The following FAM162A variants were observed in gnomAD, a reference collection of about 807,000 sequenced individuals.
The protein encoded by FAM162A is protein FAM162A.
Under a neutral mutation model 21.8 loss-of-function variants are expected in FAM162A, and 23 were observed. The observed-to-expected ratio is 1.05, with a 90% CI of 0.76 to 1.49. The LOEUF is 1.49. FAM162A is among the 40% of genes most tolerant of loss of function. The probability of loss-of-function intolerance (pLI) is 0.00; values close to 1 mark genes in which losing one functional copy is unlikely to be tolerated. For missense variants in FAM162A, 165 were observed against 186.4 expected (o/e 0.89, Z 0.67); for synonymous variants, 53 against 61.3 (o/e 0.86, Z 0.64).
chr3:122,395,252 A>G (rs2075622034), intron 1 of FAM162A, among the ~76,000 whole-genome samples: 1 of 152,172 alleles, frequency 6.6e-6, no homozygotes, highest in Non-Finnish European at 1.5e-5. Flanking sequence ...CACTGTACTT[A>G]CTGGAGGTTC....
chr3:122,407,238 G>A (rs1314689619), intron 3 of FAM162A, 43 bp from the exon 4 acceptor site: 1 of 1,548,612 alleles, frequency 6.5e-7, no homozygotes, highest in African/African-American at 1.4e-5. Flanking sequence ...TTCAGAAAGG[G>A]AAAAGTTAAT....
chr3:122,390,753 G>T (rs1056345817), intron 1 of FAM162A, among the ~76,000 whole-genome samples: 1 of 152,202 alleles, frequency 6.6e-6, no homozygotes, highest in Admixed American at 6.5e-5. Flanking sequence ...GACTGTATCA[G>T]TTGGGTCCAG....
Position 122,409,883 on chromosome 3 carries a change from C to G in FAM162A, c.*52C>G. ...TGAAAATCCAGGAATTATGTTATAACGTGCCTGTATTAAAAAGGATGTGGT... is the reference window on the plus strand; with the variant it reads ...TGAAAATCCAGGAATTATGTTATAAGGTGCCTGTATTAAAAAGGATGTGGT... On this transcript the variant is annotated 3_prime_UTR_variant, in exon 5 of 5. Coordinates refer to ENST00000477892, the MANE Select transcript of FAM162A (RefSeq NM_014367.4). The G allele has an allele frequency of 2.0e-6, 3 of 1,485,590 alleles. No individual in the cohort carries two copies. Among genetic ancestry groups the G allele is most frequent in the Non-Finnish European group, 1.9e-6 (2 of 1,064,008 alleles). 92.0% of individuals were successfully genotyped at this position (1,485,590 alleles called of 1,614,324 possible).
chr3:122,406,707 A>G (rs1380792897), intron 3 of FAM162A, among the ~76,000 whole-genome samples: 1 of 152,224 alleles, frequency 6.6e-6, no homozygotes, highest in South Asian at 2.1e-4. Context: ...GATATTCTCA[A>G]ATCTATTCTG....
intron 4 of FAM162A, among the ~76,000 whole-genome samples, chr3:122,408,520 G>C (rs908006184): frequency 2.0e-5 from 3 of 152,184 alleles, no homozygotes; most frequent in African/African-American, 7.2e-5. Flanking sequence ...CATTCTTGCA[G>C]TTAAATGGAA....
intron 3 of FAM162A, among the ~76,000 whole-genome samples, chr3:122,406,782 G>C (rs1249446980): frequency 6.6e-6 from 1 of 152,238 alleles, no homozygotes; most frequent in Non-Finnish European, 1.5e-5. Context: ...TCCAATGTTT[G>C]ATCATTCTGA....
chr3:122,397,055 A>C (rs1440542053), intron 1 of FAM162A, among the ~76,000 whole-genome samples: 1 of 152,226 alleles, frequency 6.6e-6, no homozygotes, highest in African/African-American at 2.4e-5. Flanking sequence ...TGAATATATG[A>C]AAACCACCAA....
intron 1 of FAM162A, among the ~76,000 whole-genome samples, chr3:122,400,875 T>C (rs928539182): frequency 4.5e-4 from 68 of 152,276 alleles, no homozygotes; most frequent in African/African-American, 1.6e-3. Context: ...ATAGAGATGT[T>C]CATTGGGGAG....
At chr3:122,384,436 C>G in intron 1 of FAM162A, 137 bp downstream of exon 1, 1 of 1,077,512 alleles carries the variant, frequency 9.3e-7, no homozygotes, top group South Asian at 1.4e-5. Flanking sequence ...ATCCTACCTA[C>G]TTAGTAGCCA....
At chr3:122,386,570 A>AAAAAG (rs1553776290) in intron 1 of FAM162A, among the ~76,000 whole-genome samples, 3 of 150,572 alleles carry the variant, frequency 2.0e-5, no homozygotes, top group African/African-American at 7.4e-5. Flanking sequence ...AAAAAAAAAA[A>AAAAAG]AAAAGAAAAG....
At chr3:122,394,574 A>G (rs1473954876) in intron 1 of FAM162A, among the ~76,000 whole-genome samples, 1 of 152,224 alleles carries the variant, frequency 6.6e-6, no homozygotes, top group Non-Finnish European at 1.5e-5. Context: ...AAGAAAAATT[A>G]TCAAAACTAA....
chr3:122,407,289 T>C lies in FAM162A; in HGVS notation c.272T>C (p.Met91Thr), dbSNP rs1350213889. 1 of 1,613,882 alleles carries C rather than the reference T, an allele frequency of 6.2e-7. No individual in the cohort carries two copies. Among genetic ancestry groups the C allele is most frequent in the East Asian group, 2.2e-5 (1 of 44,872 alleles). The change falls in exon 4 of 5, where the codon ATG (methionine) becomes ACG (threonine). Residue 91 changes from methionine to threonine, a missense_variant. Coordinates refer to ENST00000477892, the MANE Select transcript of FAM162A (RefSeq NM_014367.4). The stretch of plus-strand genomic sequence containing the variant: ...TCTCATTGTATTACTAGGTTGGAGA[T>C]GCTTGATGCTGCAAAGAACAAGATG... ...DEIPETVSLE[M>T]LDAAKNKMRV...
intron 4 of FAM162A, among the ~76,000 whole-genome samples, chr3:122,409,199 C>A (rs561628962): frequency 6.6e-6 from 1 of 152,198 alleles, no homozygotes; most frequent in African/African-American, 2.4e-5. Context: ...ACGGTTGCCT[C>A]CCCCACTCAA....
chr3:122,397,062 C>G (rs947119621), intron 1 of FAM162A, among the ~76,000 whole-genome samples: 2 of 152,052 alleles, frequency 1.3e-5, no homozygotes, highest in African/African-American at 4.8e-5. Context: ...ATGAAAACCA[C>G]CAAATTTCAC....
rs745565586 is a variant in FAM162A, at chr3:122,402,870, G to A, written c.145G>A (p.Gly49Arg). 5.4e-5 allele frequency: 87 copies of A among 1,598,228 alleles called. No individual in the cohort carries two copies. The highest frequency in any genetic ancestry group is 9.3e-5 in the South Asian group (8 of 86,078). ...GFCTKPQESP[G>R]APSRTYNRVP... ...TTGCACAAAACCACAGGAAAGTCCC[G>A]GAGCTCCATCCCGTAAGTTTTTATT... The change falls in exon 2 of 5, where the codon GGA (glycine) becomes AGA (arginine). Residue 49 changes from glycine (G) to arginine (R), a missense_variant. Gly to Arg is a moderately radical substitution (Grantham distance 125). Transcript: ENST00000477892.
At chr3:122,408,783 G>A (rs1030294443) in intron 4 of FAM162A, among the ~76,000 whole-genome samples, 5 of 152,176 alleles carry the variant, frequency 3.3e-5, no homozygotes, top group African/African-American at 1.2e-4. Flanking sequence ...TACTCCAGAA[G>A]CAAATTATTC....
intron 1 of FAM162A, among the ~76,000 whole-genome samples, chr3:122,385,983 T>G (rs949605348): frequency 6.6e-6 from 1 of 152,200 alleles, no homozygotes; most frequent in Admixed American, 6.5e-5. Flanking sequence ...AGATGACTTG[T>G]CCAGGATCTC....
At chr3:122,384,375 C>T in intron 1 of FAM162A, 76 bp downstream of exon 1, 1 of 1,513,808 alleles carries the variant, frequency 6.6e-7, no homozygotes, top group Non-Finnish European at 9.0e-7. Context: ...TGAAGCCTTC[C>T]TGGGCCCCGG....
chr3:122,409,639 T>C (rs2075694628), intron 4 of FAM162A, 100 bp from the exon 5 acceptor site: 1 of 965,148 alleles, frequency 1.0e-6, no homozygotes, highest in Non-Finnish European at 1.6e-6. Context: ...GAGGACTCCA[T>C]GCCTCCATGC....
Sources: allele counts gnomAD v4.1 joint callset (sites outside exome capture counted in the v4.1 genomes callset), GRCh38; gene constraint gnomAD v4.1.1; transcripts MANE v1.5; gene names NCBI Gene and HGNC (gene_info 2026-07-23, HGNC 2026-07-21).